The following ATG101 variants were observed in gnomAD, a reference collection of about 807,000 sequenced individuals.
ATG101 encodes autophagy related 101.
In ATG101, 6 loss-of-function variants were observed where a neutral mutation model predicts 16.7. The observed-to-expected ratio is 0.36, with a 90% CI of 0.20 to 0.71. The LOEUF is 0.71. Ranked by LOEUF, ATG101 falls within the 30% of genes least tolerant of loss-of-function variation. The pLI, the probability that ATG101 is intolerant of heterozygous loss-of-function variation, is 0.57. For synonymous variants in ATG101, 108 were observed against 118.1 expected (o/e 0.91, Z 0.56); for missense variants, 200 against 292.5 (o/e 0.68, Z 2.31).
chr12:52,075,361 C>G (rs1043184767), intron 3 of ATG101, among the ~76,000 whole-genome samples: 2 of 152,176 alleles, frequency 1.3e-5, no homozygotes, highest in African/African-American at 4.8e-5. Context: ...TGCCACCCAG[C>G]AAGTGTGTGA....
rs1939744899 is a variant in ATG101 at position 52,077,094 on chromosome 12, C to G, written c.561C>G (p.Pro187=). ...VFDTGLRDVQ[P]YLYKISFQIT... ...ACACAGGCTTGCGGGACGTGCAGCC[C>G]TACCTGTACAAGATCTCCTTCCAGA... Residue 187 remains proline, a synonymous_variant, in exon 4 of 4, where the codon CCC becomes CCG. Coordinates refer to ENST00000336854, the MANE Select transcript of ATG101 (RefSeq NM_021934.5). 6.2e-7 allele frequency: 1 copy of G among 1,614,050 alleles called. No homozygotes were observed. The highest frequency in any genetic ancestry group is 1.7e-5 in the Admixed American group (1 of 60,000).
At position 52,077,485 on chromosome 12, in the gene ATG101, G is replaced by A; in HGVS notation, c.*295G>A. On this transcript the variant is annotated 3_prime_UTR_variant, in exon 4 of 4. Transcript: ENST00000336854. ...ATGGGGAATAAAGTTGAGAACATGAGTTTGGGCTGAGCCATCTCTCCCTTG... is the reference window on the plus strand; with the variant it reads ...ATGGGGAATAAAGTTGAGAACATGAATTTGGGCTGAGCCATCTCTCCCTTG... The A allele has an allele frequency of 2.7e-6, 1 of 376,332 alleles. No homozygotes were observed. Among genetic ancestry groups the A allele is most frequent in the Non-Finnish European group, 4.8e-6 (1 of 206,928 alleles). The allele number at this position is 376,332 out of a possible 1,614,324, so 23.3% of individuals were successfully genotyped here.
At chr12:52,074,921 T>C (rs940798316) in intron 3 of ATG101, among the ~76,000 whole-genome samples, 2 of 152,164 alleles carry the variant, frequency 1.3e-5, no homozygotes, top group African/African-American at 2.4e-5. Context: ...ATCACGCTAC[T>C]GTACTCCAGC....
At chr12:52,075,688 T>TGG (rs1338345924) in intron 3 of ATG101, among the ~76,000 whole-genome samples, 1 of 152,166 alleles carries the variant, frequency 6.6e-6, no homozygotes, top group Non-Finnish European at 1.5e-5. Context: ...CTCACACCCA[T>TGG]GGGGTGGCAA....
chr12:52,067,753 A>ATTTT (rs60759494), upstream of ATG101, among the ~76,000 whole-genome samples: 270 of 140,670 alleles, frequency 1.9e-3, no homozygotes, highest in African/African-American at 6.8e-3. Context: ...AAGCTTGGCT[A>ATTTT]TTTTTTTTTT....
chr12:52,074,005 TC>T, intron 3 of ATG101, 103 bp downstream of exon 3: 1 of 1,481,586 alleles, frequency 6.7e-7, no homozygotes, highest in South Asian at 1.3e-5. Flanking sequence ...AGCCTTCTCT[TC>T]CTGAGTGCGT....
chr12:52,073,000 T>C (rs1208317622), intron 2 of ATG101, among the ~76,000 whole-genome samples: 2 of 152,170 alleles, frequency 1.3e-5, no homozygotes, highest in Non-Finnish European at 2.9e-5. Flanking sequence ...TCTTGAACTT[T>C]TGAGCTCAAG....
chr12:52,073,600 CCCCTGTCTTTAT>C lies in ATG101; in HGVS notation c.-48_-37del, dbSNP rs747218057. 6.3e-7 allele frequency: 1 copy of C among 1,586,434 alleles called. No individual in the cohort carries two copies. Among genetic ancestry groups the C allele is most frequent in the African/African-American group, 1.3e-5 (1 of 74,322 alleles). On this transcript the variant is annotated 5_prime_UTR_variant, in exon 3 of 4. Transcript: ENST00000336854. ...GGTGGCCCTTGGGTAGGGTGAAGAT[CCCCTGTCTTTAT>C]CCTAGTTCCACACCTTGGTGTGGGT...
chr12:52,075,063 T>G (rs1939711706), intron 3 of ATG101, among the ~76,000 whole-genome samples: 1 of 152,216 alleles, frequency 6.6e-6, no homozygotes, highest in Admixed American at 6.5e-5. Flanking sequence ...CCTGAAGGCA[T>G]CTGCTCTGGG....
At position 52,073,806 on chromosome 12, in the gene ATG101, C is replaced by A. The variant is rs1939688058; in HGVS notation, c.156C>A (p.Thr52=). The change falls in exon 3 of 4, where the codon ACC becomes ACA. Residue 52 remains threonine (T), a synonymous_variant. Transcript: ENST00000336854. ...CCTACTCCATTGGCACCGTGGGCAC[C>A]CAGGATGTTGACTGTGACTTCATCG... ...EGTYSIGTVG[T]QDVDCDFIDF... 6.2e-7 allele frequency: 1 copy of A among 1,614,074 alleles called. No individual in the cohort carries two copies.
chr12:52,072,971 A>T (rs1474822021), intron 2 of ATG101, among the ~76,000 whole-genome samples: 2 of 151,992 alleles, frequency 1.3e-5, no homozygotes, highest in Admixed American at 6.6e-5. Flanking sequence ...ATGGGGTTTT[A>T]TCATGTTTCC....
chr12:52,074,281 G>A (rs556054988), intron 3 of ATG101, among the ~76,000 whole-genome samples: 8 of 152,296 alleles, frequency 5.3e-5, no homozygotes, highest in Non-Finnish European at 8.8e-5. Context: ...CCCAGAGGAC[G>A]GCTTGCTTGG....
At chr12:52,075,391 C>T (rs1939716120) in intron 3 of ATG101, among the ~76,000 whole-genome samples, 1 of 152,222 alleles carries the variant, frequency 6.6e-6, no homozygotes, top group Non-Finnish European at 1.5e-5. Flanking sequence ...AGCGGCTCCA[C>T]TCAAAATTGC....
At chr12:52,066,107 C>A (rs1174520642), upstream of ATG101, among the ~76,000 whole-genome samples, 1 of 152,140 alleles carries the variant, frequency 6.6e-6, no homozygotes, top group African/African-American at 2.4e-5. Context: ...GAACTCCCGA[C>A]CTCAGGTGAT....
chr12:52,075,578 G>T (rs574083078), intron 3 of ATG101, among the ~76,000 whole-genome samples: 9 of 152,328 alleles, frequency 5.9e-5, no homozygotes, highest in Admixed American at 3.9e-4. Flanking sequence ...GATGAGTGTG[G>T]TTCAGGATTT....
At chr12:52,071,226 C>T (rs889655419) in intron 2 of ATG101, 20 of 152,172 alleles carry the variant, frequency 1.3e-4, no homozygotes, top group African/African-American at 2.4e-5. Flanking sequence ...CTGTGCTGAG[C>T]AACAGTTTAA....
intron 3 of ATG101, among the ~76,000 whole-genome samples, chr12:52,075,923 G>C (rs992717618): frequency 6.6e-6 from 1 of 152,188 alleles, no homozygotes; most frequent in Non-Finnish European, 1.5e-5. Flanking sequence ...ACTTTGGGAG[G>C]CTGAAGCAGG....
upstream of ATG101, among the ~76,000 whole-genome samples, chr12:52,069,002 A>AAAAG (rs1472099462): frequency 7.1e-6 from 1 of 139,992 alleles, no homozygotes; most frequent in African/African-American, 2.5e-5. Flanking sequence ...AAAAAAAAAA[A>AAAAG]AAAAAAAAAA....
chr12:52,073,668 G>C lies in ATG101; in HGVS notation c.18G>C (p.Glu6Asp). The C allele has an allele frequency of 6.2e-7, 1 of 1,613,548 alleles. No homozygotes were observed. The highest frequency in any genetic ancestry group is 8.5e-7 in the Non-Finnish European group (1 of 1,179,602). The change falls in exon 3 of 4, where the codon GAG (glutamate) becomes GAC (aspartate). Residue 6 changes from glutamate (E) to aspartate (D), a missense_variant. Glu to Asp is a conservative substitution (Grantham distance 45, BLOSUM62 2). Transcript: ENST00000336854. ...GGTGCAGGATGAACTGTCGCTCGGA[G>C]GTGCTGGAGGTGTCGGTGGAGGGGC... MNCRS[E>D]VLEVSVEGRQ...
Sources: allele counts gnomAD v4.1 joint callset (sites outside exome capture counted in the v4.1 genomes callset), GRCh38; gene constraint gnomAD v4.1.1; transcripts MANE v1.5; gene names NCBI Gene and HGNC (gene_info 2026-07-23, HGNC 2026-07-21).